Variants in XPR1 observed in about 807,000 individuals in gnomAD.
XPR1 encodes xenotropic and polytropic retrovirus receptor 1.
XPR1 carries 28 observed loss-of-function variants against 87.5 expected under a neutral mutation model. The observed-to-expected ratio is 0.32, with a 90% CI of 0.24 to 0.44. The LOEUF is 0.44. XPR1 is among the 20% of genes least tolerant of loss of function. XPR1 has a pLI of 1.00. For missense variants in XPR1, 559 were observed against 862.3 expected (o/e 0.65, Z 4.41); for synonymous variants, 300 against 306.1 (o/e 0.98, Z 0.21).
At chr1:180,719,663 TG>T (rs1329056565) in intron 2 of XPR1, among the ~76,000 whole-genome samples, 1 of 152,220 alleles carries the variant, frequency 6.6e-6, no homozygotes, top group East Asian at 1.9e-4. Context: ...GATACATGTA[TG>T]CAATGTGTAA....
At chr1:180,649,249 C>A (rs1030717250) in intron 1 of XPR1, among the ~76,000 whole-genome samples, 1 of 151,534 alleles carries the variant, frequency 6.6e-6, no homozygotes, top group Admixed American at 6.6e-5. Context: ...GACACTGAAA[C>A]CCCATCTCTA....
intron 1 of XPR1, 95 bp from the exon 2 acceptor site, chr1:180,682,265 T>C (rs1656601302): frequency 1.1e-6 from 1 of 887,636 alleles, no homozygotes; most frequent in African/African-American, 1.7e-5. Context: ...CTATGAGTGG[T>C]CATTGAATAT....
chr1:180,773,923 G>T (rs1298370528), intron 2 of XPR1, among the ~76,000 whole-genome samples: 1 of 152,254 alleles, frequency 6.6e-6, no homozygotes, highest in South Asian at 2.1e-4. Context: ...CACTTGTCCA[G>T]ATCTTCTATT....
chr1:180,850,977 A>T (rs2102189634), intron 11 of XPR1, among the ~76,000 whole-genome samples: 1 of 150,622 alleles, frequency 6.6e-6, no homozygotes, highest in East Asian at 1.9e-4. Context: ...AAAAAAAAAA[A>T]AGGATTATAG....
chr1:180,873,178 T>G (rs1652558091), intron 12 of XPR1, among the ~76,000 whole-genome samples: 1 of 152,206 alleles, frequency 6.6e-6, no homozygotes, highest in African/African-American at 2.4e-5. Flanking sequence ...TTTGTGTACT[T>G]AAGACTTTTG....
intron 2 of XPR1, among the ~76,000 whole-genome samples, chr1:180,723,564 G>C (rs551164349): frequency 2.0e-5 from 3 of 152,208 alleles, no homozygotes; most frequent in East Asian, 3.9e-4. Context: ...TGCCTCTTGA[G>C]AAAATGCTTC....
rs999932423 is a variant in XPR1, at chr1:180,638,133, G to A, written c.69+5863G>A. Among the ~76,000 whole-genome samples, 12 of 151,794 alleles carry A rather than the reference G, an allele frequency of 7.9e-5. No individual in the cohort carries two copies. The East Asian group carries it at 2.3e-3, about 29-fold the overall frequency. On this transcript the variant is annotated intron_variant, in intron 1 of 14. Transcript: ENST00000367590. The stretch of plus-strand genomic sequence containing the variant: ...AACTTTTCAGTTATGTTCTCTCAAA[G>A]CATTGTTATTGATAATTTCTTAGAT...
At chr1:180,830,103 A>G (rs1384906874) in intron 9 of XPR1, among the ~76,000 whole-genome samples, 4 of 152,134 alleles carry the variant, frequency 2.6e-5, no homozygotes, top group Non-Finnish European at 4.4e-5. Context: ...AAATTATTCT[A>G]TATTTCTGTC....
At chr1:180,788,661 G>GA (rs1005206371) in intron 3 of XPR1, among the ~76,000 whole-genome samples, 11 of 149,794 alleles carry the variant, frequency 7.3e-5, no homozygotes, top group East Asian at 5.8e-4. Flanking sequence ...AGTAATTGAT[G>GA]AAAAAAAAAG....
At chr1:180,866,809 TA>T (rs982374110) in intron 12 of XPR1, among the ~76,000 whole-genome samples, 6 of 118,744 alleles carry the variant, frequency 5.1e-5, no homozygotes, top group African/African-American at 1.7e-4. Flanking sequence ...TTTTTTTTTT[TA>T]ATTTTTTTTT....
At chr1:180,807,544 G>A (rs1196834322) in intron 6 of XPR1, among the ~76,000 whole-genome samples, 2 of 152,174 alleles carry the variant, frequency 1.3e-5, no homozygotes, top group Middle Eastern at 3.2e-3. Flanking sequence ...ACACTGCTGA[G>A]CAAAATTAAA....
intron 2 of XPR1, among the ~76,000 whole-genome samples, chr1:180,714,263 G>GC (rs1370626249): frequency 7.2e-6 from 1 of 138,474 alleles, no homozygotes; most frequent in Non-Finnish European, 1.6e-5. Context: ...TCCTTCTCTA[G>GC]CATCATCATT....
At chr1:180,802,899 C>G (rs1018212862) in intron 3 of XPR1, among the ~76,000 whole-genome samples, 2 of 152,182 alleles carry the variant, frequency 1.3e-5, no homozygotes, top group Non-Finnish European at 2.9e-5. Context: ...TATATAGACA[C>G]ACATGCATGC....
At chr1:180,816,672 C>T (rs1650423000) in intron 7 of XPR1, among the ~76,000 whole-genome samples, 1 of 152,118 alleles carries the variant, frequency 6.6e-6, no homozygotes, top group Non-Finnish European at 1.5e-5. Context: ...ACGGCATAGC[C>T]ATCATAGCAT....
At chr1:180,740,273 T>C (rs1244677344) in intron 2 of XPR1, among the ~76,000 whole-genome samples, 1 of 152,176 alleles carries the variant, frequency 6.6e-6, no homozygotes, top group Non-Finnish European at 1.5e-5. Context: ...CCATTAGTTA[T>C]AATGTTTGCT....
rs149978575 is a variant in XPR1 at position 180,790,387 on chromosome 1, C to T, written c.223+2533C>T. On this transcript the variant is annotated intron_variant, in intron 3 of 14. Transcript: ENST00000367590. ...AAAAATGAGCAAGCAAATTTCTTAA[C>T]TTTATATCCTCCCCCTCATCTTTCA... Among the ~76,000 whole-genome samples the T allele has an allele frequency of 3.0e-3, 451 of 152,146 alleles. 5 individuals carry two copies. The highest frequency in any genetic ancestry group is 3.9e-3 in the Non-Finnish European group (267 of 67,978).
rs569700309 is a variant in XPR1 at position 180,721,507 on chromosome 1, G to A, written c.121+39096G>A. On this transcript the variant is annotated intron_variant, in intron 2 of 14. Coordinates refer to ENST00000367590, the MANE Select transcript of XPR1 (RefSeq NM_004736.4). Reference sequence around the variant, plus strand: ...TTGTACCTGCCTTGGATTTGAGCCAGGATTGAAACCGTCATTTTACTCCTG... The same window carrying A: ...TTGTACCTGCCTTGGATTTGAGCCAAGATTGAAACCGTCATTTTACTCCTG... Among the ~76,000 whole-genome samples the A allele has an allele frequency of 2.6e-5, 4 of 152,294 alleles. No homozygotes were observed. The East Asian group carries it at 5.8e-4, about 22-fold the overall frequency.
intron 2 of XPR1, among the ~76,000 whole-genome samples, chr1:180,733,646 G>A (rs1198894106): frequency 6.6e-6 from 1 of 152,184 alleles, no homozygotes; most frequent in Non-Finnish European, 1.5e-5. Context: ...AGAAGTAAAA[G>A]GAACCTATTT....
intron 11 of XPR1, among the ~76,000 whole-genome samples, chr1:180,856,093 C>G (rs1443513845): frequency 6.6e-6 from 1 of 151,994 alleles, no homozygotes; most frequent in Non-Finnish European, 1.5e-5. Context: ...GTCTTTTTTC[C>G]TTTTCTCTAT....
Sources: allele counts gnomAD v4.1 joint callset (sites outside exome capture counted in the v4.1 genomes callset), GRCh38; gene constraint gnomAD v4.1.1; transcripts MANE v1.5; gene names NCBI Gene and HGNC (gene_info 2026-07-23, HGNC 2026-07-21).